The following CFHR4 variants were observed in gnomAD, a reference collection of about 807,000 sequenced individuals.
The protein encoded by CFHR4 is complement factor H-related protein 4.
A neutral mutation model predicts 69.3 loss-of-function variants in CFHR4; 64 were observed. That is an observed-to-expected ratio of 0.92 (90% confidence interval 0.76 to 1.14). The LOEUF is 1.14. Among genes scored for constraint, CFHR4 ranks in the 50% most tolerant of loss-of-function variants. The pLI, the probability that CFHR4 is intolerant of heterozygous loss-of-function variation, is 0.00. For missense variants in CFHR4, 636 were observed against 684.9 expected (o/e 0.93, Z 0.80); for synonymous variants, 244 against 237.0 (o/e 1.03, Z -0.27).
intron 1 of CFHR4, among the ~76,000 whole-genome samples, chr1:196,896,272 T>A (rs1368952887): frequency 6.6e-6 from 1 of 150,958 alleles, no homozygotes; most frequent in African/African-American, 2.5e-5. Context: ...GTGTCAAGAA[T>A]TAGCCTGTAG....
chr1:196,891,174 C>A (rs1455218829), intron 1 of CFHR4, among the ~76,000 whole-genome samples: 1 of 151,344 alleles, frequency 6.6e-6, no homozygotes, highest in African/African-American at 2.4e-5. Context: ...ATCACTTGAA[C>A]CCGGGAGGTG....
intron 1 of CFHR4, among the ~76,000 whole-genome samples, chr1:196,898,193 A>G (rs972542703): frequency 6.6e-6 from 1 of 151,512 alleles, no homozygotes; most frequent in South Asian, 2.1e-4. Flanking sequence ...AAGACAAAAC[A>G]CAGAATTGAA....
chr1:196,901,804 A>T (rs1005008395), intron 1 of CFHR4, among the ~76,000 whole-genome samples: 3 of 150,938 alleles, frequency 2.0e-5, no homozygotes, highest in East Asian at 3.9e-4. Context: ...AATCAAAATT[A>T]AAAATTAATA....
chr1:196,891,243 C>T (rs1657015182), intron 1 of CFHR4, among the ~76,000 whole-genome samples: 2 of 151,578 alleles, frequency 1.3e-5, no homozygotes, highest in African/African-American at 4.9e-5. Context: ...CAGAGCAAGA[C>T]TGTCTCAATA....
chr1:196,909,187 C>A (rs554520592), intron 5 of CFHR4, among the ~76,000 whole-genome samples: 1 of 151,502 alleles, frequency 6.6e-6, no homozygotes, highest in East Asian at 1.9e-4. Context: ...GATTTCACAG[C>A]AAAATCATTA....
chr1:196,897,574 G>A (rs1205207519), intron 1 of CFHR4, among the ~76,000 whole-genome samples: 1 of 151,374 alleles, frequency 6.6e-6, no homozygotes, highest in African/African-American at 2.4e-5. Flanking sequence ...TAGGGAGCCC[G>A]AAGTGGGGGA....
At chr1:196,896,145 T>C (rs1657282392) in intron 1 of CFHR4, among the ~76,000 whole-genome samples, 1 of 149,882 alleles carries the variant, frequency 6.7e-6, no homozygotes, top group Admixed American at 6.7e-5. Context: ...ACTGAACTTT[T>C]TAATCTAATA....
intron 2 of CFHR4, among the ~76,000 whole-genome samples, chr1:196,903,302 A>C (rs1054402483): frequency 1.2e-4 from 18 of 151,488 alleles, no homozygotes; most frequent in African/African-American, 4.4e-4. Context: ...GAATACATTT[A>C]AAATTTCTGG....
intron 1 of CFHR4, among the ~76,000 whole-genome samples, chr1:196,897,297 C>T (rs1657351763): frequency 6.6e-6 from 1 of 151,452 alleles, no homozygotes; most frequent in African/African-American, 2.4e-5. Flanking sequence ...AGCTCTGGCC[C>T]CACGGCAGCG....
chr1:196,891,490 A>T (rs746569314), intron 1 of CFHR4, among the ~76,000 whole-genome samples: 3 of 151,318 alleles, frequency 2.0e-5, no homozygotes, highest in Non-Finnish European at 2.9e-5. Flanking sequence ...CAGTTCTGTA[A>T]CTAGCAAACG....
chr1:196,903,130 A>T (rs1657713049), intron 2 of CFHR4, among the ~76,000 whole-genome samples: 5 of 151,360 alleles, frequency 3.3e-5, no homozygotes, highest in Admixed American at 3.3e-4. Context: ...TCCCAGATGC[A>T]TTCGTGTCAG....
chr1:196,909,984 T>C lies in CFHR4; in HGVS notation c.800-297T>C, dbSNP rs558810069. Among the ~76,000 whole-genome samples, 260 of 150,978 alleles carry C rather than the reference T, an allele frequency of 1.7e-3. 9 individuals carry two copies. Among genetic ancestry groups the C allele is most frequent in the African/African-American group, 6.0e-3 (245 of 40,888 alleles). ...CTGACCAATATGGTAAAACTCTGTG[T>C]CTACTAAAATTACAAAAATTAGATG... is the stretch of plus-strand genomic sequence containing the variant. On this transcript the variant is annotated intron_variant, in intron 5 of 9. Coordinates refer to ENST00000608469, the MANE Select transcript of CFHR4 (RefSeq NM_001201550.3).
intron 5 of CFHR4, among the ~76,000 whole-genome samples, chr1:196,908,941 C>A (rs891317767): frequency 2.6e-5 from 4 of 151,406 alleles, no homozygotes; most frequent in African/African-American, 7.3e-5. Flanking sequence ...CTATGATGGG[C>A]TAAACCTTAA....
At position 196,894,094 on chromosome 1, in the gene CFHR4, C is replaced by T. The variant is rs139045418; in HGVS notation, c.58+5886C>T. Among the ~76,000 whole-genome samples, 51 of 151,550 alleles carry T rather than the reference C, an allele frequency of 3.4e-4. 2 individuals are homozygous for T. Among genetic ancestry groups the T allele is most frequent in the African/African-American group, 1.2e-3 (49 of 41,144 alleles). On this transcript the variant is annotated intron_variant, in intron 1 of 9. Coordinates refer to ENST00000608469, the MANE Select transcript of CFHR4 (RefSeq NM_001201550.3). ...GTTAAATTGCACCTGCTTAACTTCG[C>T]TAATATAGAAAAACTGCTCTATCCC...
chr1:196,915,543 G>C (rs1429014734), intron 9 of CFHR4, among the ~76,000 whole-genome samples: 1 of 151,492 alleles, frequency 6.6e-6, no homozygotes, highest in Non-Finnish European at 1.5e-5. Flanking sequence ...GGTGAGGCAG[G>C]AGAATCATCT....
chr1:196,905,995 T>A (rs1657889655), intron 3 of CFHR4, among the ~76,000 whole-genome samples: 1 of 151,580 alleles, frequency 6.6e-6, no homozygotes, highest in South Asian at 2.1e-4. Context: ...TTATCTTTTT[T>A]GTCTTTCCTC....
At chr1:196,906,339 GAC>G (rs1172188532) in intron 3 of CFHR4, among the ~76,000 whole-genome samples, 1 of 151,416 alleles carries the variant, frequency 6.6e-6, no homozygotes, top group Non-Finnish European at 1.5e-5. Flanking sequence ...CTCTGCAAAA[GAC>G]AAAGCTGTAC....
chr1:196,907,871 G>A (rs1309954524), intron 5 of CFHR4, among the ~76,000 whole-genome samples: 1 of 151,202 alleles, frequency 6.6e-6, no homozygotes, highest in East Asian at 1.9e-4. Flanking sequence ...TGAAAACACT[G>A]TTTTAAAAAC....
At chr1:196,893,626 G>A (rs201399771) in intron 1 of CFHR4, among the ~76,000 whole-genome samples, 9 of 151,372 alleles carry the variant, frequency 5.9e-5, no homozygotes, top group East Asian at 1.9e-4. Flanking sequence ...ACAATTGAGC[G>A]ATCTTCACTT....
Sources: gnomAD v4.1 joint callset for allele counts (sites outside exome capture counted in the v4.1 genomes callset) on GRCh38, gnomAD v4.1.1 for gene constraint, MANE v1.5 for transcripts, NCBI Gene and HGNC (gene_info 2026-07-23, HGNC 2026-07-21) for gene names.